SFI1: variants seen among roughly 807,000 people sequenced by gnomAD.
SFI1 encodes the protein protein SFI1 homolog.
Under a neutral mutation model 207.5 loss-of-function variants are expected in SFI1, and 195 were observed. The observed-to-expected ratio is 0.94, with a 90% confidence interval of 0.84 to 1.06. SFI1 has a LOEUF of 1.06. Ranked by LOEUF, SFI1 falls within the 50% of genes least tolerant of loss-of-function variation. SFI1 has a pLI of 0.00. For missense variants in SFI1, 1,634 were observed against 1,588.0 expected, an observed-to-expected ratio of 1.03 and a Z score of -0.49; for synonymous variants, 630 against 598.9, an observed-to-expected ratio of 1.05 and a Z score of -0.76.
At chr22:31,602,586 C>A in intron 16 of SFI1, 21 bp from the exon 17 acceptor site, 1 of 1,613,258 alleles carries the variant, frequency 6.2e-7, no homozygotes, top group Non-Finnish European at 8.5e-7. Flanking sequence ...ATTCTGTTCT[C>A]TCCTTCCTGT....
chr22:31,587,337 T>G (rs1240637232), intron 14 of SFI1: 12 of 353,098 alleles, frequency 3.4e-5, no homozygotes, highest in Non-Finnish European at 2.9e-5. Flanking sequence ...GGTTTCACTT[T>G]GTCACCCAGG....
chr22:31,612,398 A>AATATATATATATAT (rs57948429), intron 24 of SFI1: 6 of 60,192 alleles, frequency 1.0e-4, no homozygotes, highest in African/African-American at 2.7e-4. Flanking sequence ...AAAAAAAAAA[A>AATATATATATATAT]ATATATATAT....
At chr22:31,520,840 A>T (rs1005358163) in intron 2 of SFI1, among the ~76,000 whole-genome samples, 7 of 134,892 alleles carry the variant, frequency 5.2e-5, no homozygotes, top group Non-Finnish European at 9.6e-5. Context: ...TACAAAAAGT[A>T]AAAAAAAAAA....
intron 8 of SFI1, among the ~76,000 whole-genome samples, chr22:31,566,395 C>T (rs942853965): frequency 1.8e-4 from 28 of 152,216 alleles, no homozygotes; most frequent in Admixed American, 1.4e-3. Flanking sequence ...GCCCGGCCCC[C>T]AGTTTCTTTT....
intron 1 of SFI1, among the ~76,000 whole-genome samples, chr22:31,503,809 G>A (rs1203175163): frequency 6.7e-6 from 1 of 149,982 alleles, no homozygotes; most frequent in African/African-American, 2.5e-5. Flanking sequence ...GGCTGGTGGC[G>A]ACCTCCTGAC....
intron 1 of SFI1, among the ~76,000 whole-genome samples, chr22:31,500,290 A>G (rs914510872): frequency 1.2e-4 from 18 of 151,598 alleles, no homozygotes; most frequent in Non-Finnish European, 2.9e-5. Flanking sequence ...AAAAAAAAAA[A>G]AAAAAAGAAA....
At chr22:31,524,272 T>G (rs2057638950) in intron 2 of SFI1, among the ~76,000 whole-genome samples, 1 of 152,200 alleles carries the variant, frequency 6.6e-6, no homozygotes, top group Non-Finnish European at 1.5e-5. Context: ...TTTTTTGGTC[T>G]TTTTGACAAC....
chr22:31,614,166 A>T (rs139147200), intron 27 of SFI1: 1 of 402,790 alleles, frequency 2.5e-6, no homozygotes, highest in African/African-American at 2.0e-5. Context: ...GGAGTCATAC[A>T]CGTAGTTGAC....
chr22:31,559,976 A>G lies in SFI1; in HGVS notation c.663-1314A>G, dbSNP rs527982355. 4 of 404,372 alleles carry G rather than the reference A, an allele frequency of 9.9e-6. No homozygotes were observed. In the East Asian group the frequency reaches 2.2e-4, roughly 22 times the overall value. The allele number at this position is 404,372 out of a possible 1,614,324, so 25.0% of individuals were successfully genotyped here. A position where few individuals can be genotyped will look rare whatever the true frequency, so the allele number is the denominator to read the frequency against. ...TTGTCTGTTAATAAGTAGTTTATAT[A>G]CCTAAAAAATATAAATAAAGTAATA... On this transcript the variant is annotated intron_variant, in intron 7 of 32. Transcript: ENST00000400288.
In SFI1 at chr22:31,606,492, G is replaced by A. The variant is rs2068994245; in HGVS notation, c.2157+62G>A. On this transcript the variant is annotated intron_variant, in intron 21 of 32. Coordinates refer to ENST00000400288, the MANE Select transcript of SFI1 (RefSeq NM_001007467.3). Reference sequence around the variant, plus strand: ...GTTGGGACTGTGTTCTGGTGAGGGCGTGGGATGTAGGGGGTGGTGCCAGAG... The same window carrying A: ...GTTGGGACTGTGTTCTGGTGAGGGCATGGGATGTAGGGGGTGGTGCCAGAG... 1.3e-5 allele frequency: 18 copies of A among 1,380,838 alleles called. 1 individual carries two copies. The highest frequency in any genetic ancestry group is 1.8e-4 in the Middle Eastern group (1 of 5,646). 85.5% of individuals were successfully genotyped at this position (1,380,838 alleles called of 1,614,324 possible).
chr22:31,553,838 GTTTTTTTTTTTTTTTT>G (rs58333559), intron 6 of SFI1, among the ~76,000 whole-genome samples: 4 of 26,308 alleles, frequency 1.5e-4, no homozygotes, highest in Non-Finnish European at 2.9e-4. Flanking sequence ...AATGGATTAT[GTTTTTTTTTTTTTTTT>G]TTTTTTTTTT....
chr22:31,613,503 GCAGCTGCAGGCC>G lies in SFI1; in HGVS notation c.2720_2731del (p.Leu907_Gln910del), dbSNP rs746685106. 6.3e-7 allele frequency: 1 copy of G among 1,592,360 alleles called. No homozygotes were observed. The highest frequency in any genetic ancestry group is 8.5e-7 in the Non-Finnish European group (1 of 1,174,490). On this transcript the variant is annotated inframe_deletion, in exon 26 of 33. Coordinates refer to ENST00000400288, the MANE Select transcript of SFI1 (RefSeq NM_001007467.3). Reference sequence around the variant, plus strand: ...CAGCCAGCATGAAGGCCTCCCGGCAGCAGCTGCAGGCCCAGCAGCAGGTCCAGGTAGGCCCAG... The same window carrying G: ...CAGCCAGCATGAAGGCCTCCCGGCAGCAGCAGCAGGTCCAGGTAGGCCCAG...
At chr22:31,600,230 T>G (rs1011594602) in intron 15 of SFI1, among the ~76,000 whole-genome samples, 5 of 152,200 alleles carry the variant, frequency 3.3e-5, no homozygotes, top group Non-Finnish European at 7.3e-5. Context: ...GTACTCTTTT[T>G]ATAAATTGAG....
chr22:31,593,324 C>T (rs1323371099), intron 15 of SFI1, among the ~76,000 whole-genome samples: 197 of 134,848 alleles, frequency 1.5e-3, no homozygotes, highest in Admixed American at 2.3e-3. Context: ...GACGGGGTCT[C>T]GGCCGGGCAG....
At position 31,616,553 on chromosome 22, in the gene SFI1, A is replaced by G. The variant is rs541580913; in HGVS notation, c.3301-192A>G. 9 of 565,876 alleles carry G rather than the reference A, an allele frequency of 1.6e-5. No individual in the cohort carries two copies. The African/African-American group carries it at 1.7e-4, about 11-fold the overall frequency. The allele number at this position is 565,876 out of a possible 1,614,324, so 35.1% of individuals were successfully genotyped here. A position where few individuals can be genotyped will look rare whatever the true frequency, so the allele number is the denominator to read the frequency against. ...TGCTTGCGGGACTTTCCCCTACAGTACCAGGCCCTGTGTGCAGGGGCAGGC... is the reference window on the plus strand; with the variant it reads ...TGCTTGCGGGACTTTCCCCTACAGTGCCAGGCCCTGTGTGCAGGGGCAGGC... On this transcript the variant is annotated intron_variant, in intron 29 of 32. Coordinates refer to ENST00000400288, the MANE Select transcript of SFI1 (RefSeq NM_001007467.3).
intron 31 of SFI1, 84 bp downstream of exon 31, chr22:31,617,162 G>A (rs138993234): frequency 0.014 from 20,624 of 1,462,556 alleles, 163 homozygotes; most frequent in Non-Finnish European, 0.016. Context: ...CATTTCCCCC[G>A]AGCCAGCTGC....
intron 2 of SFI1, among the ~76,000 whole-genome samples, chr22:31,518,599 CTG>C (rs951355440): frequency 6.6e-6 from 1 of 152,120 alleles, no homozygotes; most frequent in Non-Finnish European, 1.5e-5. Flanking sequence ...TTGATCTTCT[CTG>C]TTATGTTTGT....
intron 2 of SFI1, among the ~76,000 whole-genome samples, chr22:31,524,121 G>C (rs1377822787): frequency 2.0e-5 from 3 of 151,962 alleles, no homozygotes; most frequent in Admixed American, 6.6e-5. Context: ...AGAATTGCTT[G>C]AACCCAGGAG....
intron 24 of SFI1, 142 bp downstream of exon 24, chr22:31,611,982 C>A: frequency 1.4e-6 from 2 of 1,437,712 alleles, no homozygotes; most frequent in Non-Finnish European, 1.8e-6. Flanking sequence ...CCTCTACCAC[C>A]TTCCTGTCAT....
Sources: allele counts gnomAD v4.1 joint callset (sites outside exome capture counted in the v4.1 genomes callset), GRCh38; gene constraint gnomAD v4.1.1; transcripts MANE v1.5; gene names NCBI Gene and HGNC (gene_info 2026-07-23, HGNC 2026-07-21).